PREPL: variants seen among roughly 807,000 people sequenced by gnomAD.
PREPL encodes the protein prolyl endopeptidase like.
Under a neutral mutation model 70.6 loss-of-function variants are expected in PREPL, and 77 were observed. The ratio of observed to expected loss-of-function variants is 1.09; its 90% CI spans 0.91 to 1.32. PREPL has a LOEUF of 1.32. Ranked by LOEUF, PREPL falls within the 40% of genes most tolerant of loss-of-function variation. The pLI, the probability that PREPL is intolerant of heterozygous loss-of-function variation, is 0.00. For missense variants in PREPL, 1,002 were observed against 778.2 expected (o/e 1.29, Z -3.42); for synonymous variants, 315 against 264.8 (o/e 1.19, Z -1.84).
At position 44,318,215 on chromosome 2, in the gene PREPL, C is replaced by G. The variant is rs1471158825; in HGVS notation, c.*3141G>C. On this transcript the variant is annotated 3_prime_UTR_variant, in exon 14 of 14. Transcript: ENST00000409411. ...AAGTGATTCTCCTGCTGCAGCCTCCCAAGTAGCTGGGATTACAGGTGCACG... is the reference window on the plus strand; with the variant it reads ...AAGTGATTCTCCTGCTGCAGCCTCCGAAGTAGCTGGGATTACAGGTGCACG... 1 of 384,012 alleles carries G rather than the reference C, an allele frequency of 2.6e-6. No homozygotes were observed. The highest frequency in any genetic ancestry group is 2.2e-5 in the African/African-American group (1 of 45,338). 23.8% of individuals were successfully genotyped at this position (384,012 alleles called of 1,614,324 possible). A position where few individuals can be genotyped will look rare whatever the true frequency, so the allele number is the denominator to read the frequency against.
intron 1 of PREPL, among the ~76,000 whole-genome samples, chr2:44,354,508 A>G (rs1676798724): frequency 6.6e-6 from 1 of 152,110 alleles, no homozygotes; most frequent in Non-Finnish European, 1.5e-5. Flanking sequence ...CCCAAATTCC[A>G]GACTCATATA....
In PREPL at chr2:44,332,452, G is replaced by A. The variant is rs1382682804; in HGVS notation, c.1086+7C>T. 1.9e-6 allele frequency: 3 copies of A among 1,606,406 alleles called. No homozygotes were observed. The highest frequency in any genetic ancestry group is 2.6e-6 in the Non-Finnish European group (3 of 1,173,308). The stretch of plus-strand genomic sequence containing the variant: ...TGGGAGCTGAAAGTGAAGATTATAA[G>A]ACCTACCTTGCTTTTGGCTTCTAGA... On this transcript the variant is annotated splice_region_variant and intron_variant, in intron 8 of 13. Transcript: ENST00000409411.
At chr2:44,343,980 A>C in intron 3 of PREPL, 29 bp from the exon 4 acceptor site, 2 of 1,596,976 alleles carry the variant, frequency 1.3e-6, no homozygotes, top group Non-Finnish European at 1.7e-6. Flanking sequence ...GAAAGTGATA[A>C]CTTCAAAGGA....
At position 44,333,626 on chromosome 2, in the gene PREPL, T is replaced by TAA. The variant is rs11404335; in HGVS notation, c.889-972_889-971dup. Among the ~76,000 whole-genome samples the TAA allele has an allele frequency of 1.4e-3, 202 of 148,818 alleles. 1 individual carries two copies. Among genetic ancestry groups the TAA allele is most frequent in the South Asian group, 8.1e-3 (38 of 4,692 alleles). Reference sequence around the variant, plus strand: ...GTTCTCTGAGCAAATCTCTTATTAATAAAAAAAAAAAATCTATTTTCATGA... The same window carrying TAA: ...GTTCTCTGAGCAAATCTCTTATTAATAAAAAAAAAAAAAATCTATTTTCATGA... On this transcript the variant is annotated intron_variant, in intron 7 of 13. Coordinates refer to ENST00000409411, the MANE Select transcript of PREPL (RefSeq NM_001171613.2).
intron 5 of PREPL, among the ~76,000 whole-genome samples, chr2:44,341,633 A>G (rs990486871): frequency 6.6e-6 from 1 of 152,056 alleles, no homozygotes; most frequent in South Asian, 2.1e-4. Context: ...CGAAATATAA[A>G]GAACTAGACA....
At chr2:44,358,896 T>C (rs1419047284) in intron 1 of PREPL, among the ~76,000 whole-genome samples, 1 of 152,182 alleles carries the variant, frequency 6.6e-6, no homozygotes, top group African/African-American at 2.4e-5. Context: ...ACAATTAGCG[T>C]ATCATTAGAT....
intron 1 of PREPL, among the ~76,000 whole-genome samples, chr2:44,350,179 T>C (rs1338873061): frequency 1.3e-5 from 2 of 152,134 alleles, no homozygotes; most frequent in African/African-American, 4.8e-5. Flanking sequence ...TAAAACTTGA[T>C]AAAATCAAAT....
intron 1 of PREPL, among the ~76,000 whole-genome samples, chr2:44,352,103 C>T (rs963137605): frequency 1.3e-5 from 2 of 152,182 alleles, no homozygotes; most frequent in Middle Eastern, 3.2e-3. Flanking sequence ...AGCTATTGCT[C>T]AAATGTCATC....
In PREPL at chr2:44,353,587, C is replaced by CA. The variant is rs1415507614; in HGVS notation, c.-48-7198dup. Among the ~76,000 whole-genome samples, 441 of 127,698 alleles carry CA rather than the reference C, an allele frequency of 3.5e-3. 1 individual carries two copies. The highest frequency in any genetic ancestry group is 8.8e-3 in the African/African-American group (323 of 36,508). 83.8% of individuals were successfully genotyped at this position (127,698 alleles called of 152,430 possible). On this transcript the variant is annotated intron_variant, in intron 1 of 13. Transcript: ENST00000409411. ...TGGGCGACAGAGCGAGACTCCATCT[C>CA]AAAAAATAAATAAATAAATAAATAA...
Position 44,321,351 on chromosome 2 carries a change from G to C in PREPL, c.*5C>G, listed in dbSNP as rs201701978. 2.4e-5 allele frequency: 38 copies of C among 1,593,804 alleles called. No homozygotes were observed. Among genetic ancestry groups the C allele is most frequent in the Non-Finnish European group, 2.3e-5 (27 of 1,162,282 alleles). On this transcript the variant is annotated 3_prime_UTR_variant, in exon 14 of 14. Transcript: ENST00000409411. ...TGTTTCCAATTCCCAGTTGAATGCA[G>C]TGTTTCAGAATTTCAGGTATTTCTT... is the stretch of plus-strand genomic sequence containing the variant.
intron 8 of PREPL, among the ~76,000 whole-genome samples, chr2:44,330,265 G>A (rs1415648328): frequency 6.6e-6 from 1 of 152,216 alleles, no homozygotes; most frequent in African/African-American, 2.4e-5. Context: ...AGCTACTCCT[G>A]TGATGGGCTG....
rs76399930 is a variant in PREPL at position 44,332,444 on chromosome 2, G to A, written c.1086+15C>T. 14,491 of 1,598,454 alleles carry A rather than the reference G, an allele frequency of 9.1e-3. 85 individuals are homozygous for A. Among genetic ancestry groups the A allele is most frequent in the Non-Finnish European group, 0.011 (12,946 of 1,166,726 alleles). On this transcript the variant is annotated intron_variant, in intron 8 of 13. Coordinates refer to ENST00000409411, the MANE Select transcript of PREPL (RefSeq NM_001171613.2). ...TCAGTAAATGGGAGCTGAAAGTGAAGATTATAAGACCTACCTTGCTTTTGG... is the reference window on the plus strand; with the variant it reads ...TCAGTAAATGGGAGCTGAAAGTGAAAATTATAAGACCTACCTTGCTTTTGG...
intron 13 of PREPL, 156 bp downstream of exon 13, chr2:44,321,671 T>C (rs761939348): frequency 4.9e-5 from 75 of 1,538,556 alleles, no homozygotes; most frequent in Admixed American, 2.9e-4. Context: ...TTTCTCTTGA[T>C]TGACACAGTG....
intron 2 of PREPL, 90 bp downstream of exon 2, chr2:44,346,178 G>A (rs1242719678): frequency 2.4e-6 from 3 of 1,245,276 alleles, no homozygotes; most frequent in Middle Eastern, 5.2e-4. Flanking sequence ...TAATCTTGAT[G>A]TGGACTATGT....
chr2:44,339,123 G>A lies in PREPL; in HGVS notation c.702+24C>T, dbSNP rs765038588. On this transcript the variant is annotated intron_variant, in intron 6 of 13. Coordinates refer to ENST00000409411, the MANE Select transcript of PREPL (RefSeq NM_001171613.2). ...GTGACACTTCTTAACAGCCCAAATA[G>A]GAACAACGAGCATCCAGGATTACCT... 4 of 1,611,518 alleles carry A rather than the reference G, an allele frequency of 2.5e-6. No homozygotes were observed. The African/African-American group carries it at 4.0e-5, about 16-fold the overall frequency.
At chr2:44,326,574 A>T in intron 10 of PREPL, 138 bp downstream of exon 10, 1 of 818,780 alleles carries the variant, frequency 1.2e-6, no homozygotes, top group Non-Finnish European at 2.0e-6. Context: ...CTGGTAAGCA[A>T]TCTGCCCACC....
rs1053708756 is a variant in PREPL, at chr2:44,353,163, A to C, written c.-48-6773T>G. 2.0e-5 allele frequency among the ~76,000 whole-genome samples: 3 copies of C among 152,332 alleles called. No homozygotes were observed. In the East Asian group the frequency reaches 5.8e-4, roughly 29 times the overall value. On this transcript the variant is annotated intron_variant, in intron 1 of 13. Coordinates refer to ENST00000409411, the MANE Select transcript of PREPL (RefSeq NM_001171613.2). Reference sequence around the variant, plus strand: ...CCTGTACTACAAGATATTAAAAAAGAAAGGTACTGTGAATGAGGCTAACTT... The same window carrying C: ...CCTGTACTACAAGATATTAAAAAAGCAAGGTACTGTGAATGAGGCTAACTT...
At chr2:44,354,619 G>A (rs1676814215) in intron 1 of PREPL, among the ~76,000 whole-genome samples, 1 of 151,642 alleles carries the variant, frequency 6.6e-6, no homozygotes. Context: ...CATCACACCA[G>A]GCTGGAGTGC....
Position 44,321,287 on chromosome 2 carries a change from C to A in PREPL, c.*69G>T. ...TCTCAAGTTATTAATTTTTTTTTTG[C>A]TAACTCAATTGGAAGTAAGACTATG... On this transcript the variant is annotated 3_prime_UTR_variant, in exon 14 of 14. Transcript: ENST00000409411. 1 of 1,251,146 alleles carries A rather than the reference C, an allele frequency of 8.0e-7. No homozygotes were observed. The highest frequency in any genetic ancestry group is 1.1e-6 in the Non-Finnish European group (1 of 891,182). The allele number at this position is 1,251,146 out of a possible 1,614,324, so 77.5% of individuals were successfully genotyped here.
Sources: allele counts gnomAD v4.1 joint callset (sites outside exome capture counted in the v4.1 genomes callset), GRCh38; gene constraint gnomAD v4.1.1; transcripts MANE v1.5; gene names NCBI Gene and HGNC (gene_info 2026-07-23, HGNC 2026-07-21).